DNM3: variants seen among roughly 807,000 people sequenced by gnomAD.
DNM3 encodes the protein dynamin 3.
A neutral mutation model predicts 101.6 loss-of-function variants in DNM3; 47 were observed. The ratio of observed to expected loss-of-function variants is 0.46; its 90% CI spans 0.37 to 0.59. DNM3 has a LOEUF of 0.59. Among genes scored for constraint, DNM3 ranks in the 20% least tolerant of loss-of-function variants. The pLI is 0.00. For missense variants in DNM3, 849 were observed against 1,085.7 expected, an observed-to-expected ratio of 0.78 and a Z score of 3.06; for synonymous variants, 385 against 387.9, an observed-to-expected ratio of 0.99 and a Z score of 0.09.
intron 2 of DNM3, among the ~76,000 whole-genome samples, chr1:171,976,959 T>G (rs1251558175): frequency 6.6e-6 from 1 of 152,206 alleles, no homozygotes; most frequent in African/African-American, 2.4e-5. Flanking sequence ...TATTTTTTTG[T>G]ATTGAAATCT....
rs560747113 is a variant in DNM3 at position 172,187,895 on chromosome 1, C to T, written c.1659+56607C>T. On this transcript the variant is annotated intron_variant, in intron 14 of 20. Transcript: ENST00000627582. ...GGAATGATTCTTTGTCCTGGTTTCT[C>T]AGTTCCTTTATTTGCAGCTTTAGAG... Among the ~76,000 whole-genome samples the T allele has an allele frequency of 2.0e-5, 3 of 152,168 alleles. No homozygotes were observed. The East Asian group carries it at 5.8e-4, about 30-fold the overall frequency.
chr1:172,188,304 C>T (rs2059590675), intron 14 of DNM3, among the ~76,000 whole-genome samples: 1 of 152,044 alleles, frequency 6.6e-6, no homozygotes, highest in African/African-American at 2.4e-5. Context: ...ATTTCTTTTC[C>T]TTAGGCTCAG....
intron 10 of DNM3, among the ~76,000 whole-genome samples, chr1:172,063,318 C>A: frequency 6.6e-6 from 1 of 151,292 alleles, no homozygotes; most frequent in East Asian, 1.9e-4. Flanking sequence ...ACTGTTAATA[C>A]ATTTTGGAAG....
intron 17 of DNM3, among the ~76,000 whole-genome samples, chr1:172,360,111 A>G (rs1245968575): frequency 6.6e-6 from 1 of 152,040 alleles, no homozygotes; most frequent in Non-Finnish European, 1.5e-5. Context: ...ACATATTAGT[A>G]TTTTCATCAC....
At chr1:171,925,323 G>T (rs1012639293) in intron 2 of DNM3, among the ~76,000 whole-genome samples, 1 of 151,874 alleles carries the variant, frequency 6.6e-6, no homozygotes, top group Non-Finnish European at 1.5e-5. Context: ...CGCCTCTTGG[G>T]TTCATGCCAT....
At chr1:172,227,302 A>ATATATATATATATATATATATG (rs1557846135) in intron 14 of DNM3, among the ~76,000 whole-genome samples, 1 of 127,574 alleles carries the variant, frequency 7.8e-6, no homozygotes, top group Admixed American at 8.1e-5. Flanking sequence ...ATATATATAT[A>ATATATATATATATATATATATG]TATCACATTT....
At chr1:172,382,445 A>G (rs923576535) in intron 18 of DNM3, among the ~76,000 whole-genome samples, 8 of 152,142 alleles carry the variant, frequency 5.3e-5, no homozygotes, top group African/African-American at 1.7e-4. Context: ...AGCCAACCAC[A>G]TGTTGGATAC....
At chr1:172,090,751 G>A (rs900332900) in intron 12 of DNM3, among the ~76,000 whole-genome samples, 6 of 152,160 alleles carry the variant, frequency 3.9e-5, no homozygotes, top group African/African-American at 1.4e-4. Context: ...AAATGTATCA[G>A]AGGAGTTTAT....
intron 17 of DNM3, among the ~76,000 whole-genome samples, chr1:172,341,720 G>A (rs929115621): frequency 6.6e-6 from 1 of 151,950 alleles, no homozygotes; most frequent in African/African-American, 2.4e-5. Flanking sequence ...CACCATAAAC[G>A]AAAATTAACT....
intron 1 of DNM3, among the ~76,000 whole-genome samples, chr1:171,894,140 T>C (rs1254548727): frequency 3.3e-5 from 5 of 151,604 alleles, no homozygotes; most frequent in Admixed American, 2.0e-4. Flanking sequence ...GTATTTTTAA[T>C]AGAGCCGGGG....
chr1:172,256,823 A>T (rs1240501055), intron 15 of DNM3, among the ~76,000 whole-genome samples: 2 of 151,250 alleles, frequency 1.3e-5, no homozygotes, highest in African/African-American at 4.8e-5. Flanking sequence ...ATTTCTCGCC[A>T]GGTAGTGTTT....
chr1:172,282,941 C>A (rs2063545797), intron 15 of DNM3, among the ~76,000 whole-genome samples: 1 of 152,168 alleles, frequency 6.6e-6, no homozygotes, highest in Non-Finnish European at 1.5e-5. Flanking sequence ...TATTTTTATG[C>A]CCACACAGTT....
chr1:172,183,723 C>T (rs1396681195), intron 14 of DNM3, among the ~76,000 whole-genome samples: 1 of 150,896 alleles, frequency 6.6e-6, no homozygotes, highest in Non-Finnish European at 1.5e-5. Context: ...ACCTCAGCCT[C>T]CTGAGTAGCT....
At chr1:172,020,709 G>A (rs1007837625) in intron 4 of DNM3, among the ~76,000 whole-genome samples, 3 of 115,316 alleles carry the variant, frequency 2.6e-5, no homozygotes, top group South Asian at 2.8e-4. Flanking sequence ...GGGCGACAGT[G>A]TGAGACTCCG....
chr1:172,394,251 G>A (rs1472935918), intron 20 of DNM3: 3 of 152,190 alleles, frequency 2.0e-5, no homozygotes, highest in Admixed American at 6.5e-5. Flanking sequence ...ATCCTGCCAC[G>A]GTTCGGATGA....
In DNM3 at chr1:171,995,692, C is replaced by G. The variant is rs982575257; in HGVS notation, c.589+6544C>G. The stretch of plus-strand genomic sequence containing the variant: ...TTATGACATCTGTTACCCTGTTGGT[C>G]TTCAGGAATGATTTGGTTGACTGTG... On this transcript the variant is annotated intron_variant, in intron 4 of 20. Transcript: ENST00000627582. Among the ~76,000 whole-genome samples, 6 of 152,128 alleles carry G rather than the reference C, an allele frequency of 3.9e-5. 1 individual carries two copies. The highest frequency in any genetic ancestry group is 7.2e-5 in the African/African-American group (3 of 41,434).
intron 2 of DNM3, among the ~76,000 whole-genome samples, chr1:171,947,052 C>A (rs955501013): frequency 3.3e-5 from 5 of 152,186 alleles, no homozygotes; most frequent in Non-Finnish European, 7.3e-5. Flanking sequence ...ATATGCAAAC[C>A]ATAGCAATGC....
chr1:171,935,768 A>ATTTTT (rs1184683663), intron 2 of DNM3, among the ~76,000 whole-genome samples: 1 of 53,776 alleles, frequency 1.9e-5, no homozygotes, highest in Admixed American at 2.2e-4. Flanking sequence ...ACAAATCAAA[A>ATTTTT]CTTTTTTTTT....
In DNM3 at chr1:171,996,254, A is replaced by G. The variant is rs180911445; in HGVS notation, c.589+7106A>G. Among the ~76,000 whole-genome samples the G allele has an allele frequency of 7.2e-5, 11 of 152,272 alleles. No individual in the cohort carries two copies. In the East Asian group the frequency reaches 1.9e-3, roughly 27 times the overall value. ...TAGCATAATTTCAAGGGGAATGGCT[A>G]TATAATTTGAAATGTCAAACTCCTA... On this transcript the variant is annotated intron_variant, in intron 4 of 20. Transcript: ENST00000627582.
Sources: gnomAD v4.1 joint callset for allele counts (sites outside exome capture counted in the v4.1 genomes callset) on GRCh38, gnomAD v4.1.1 for gene constraint, MANE v1.5 for transcripts, NCBI Gene and HGNC (gene_info 2026-07-23, HGNC 2026-07-21) for gene names.